The following MRM2 variants were observed in gnomAD, a reference collection of about 807,000 sequenced individuals.
MRM2 encodes mitochondrial rRNA methyltransferase 2.
MRM2 carries 15 observed loss-of-function variants against 10.9 expected under a neutral mutation model. That is an observed-to-expected ratio of 1.37 (90% confidence interval 0.92 to 2.11). The LOEUF is 2.11. MRM2 is among the 30% of genes most tolerant of loss of function. The pLI is 0.00. For missense variants in MRM2, 328 were observed against 321.3 expected (o/e 1.02, Z -0.16); for synonymous variants, 139 against 128.7 (o/e 1.08, Z -0.54).
chr7:2,235,089 T>A lies in MRM2; in HGVS notation c.*33A>T. 1 of 1,527,170 alleles carries A rather than the reference T, an allele frequency of 6.5e-7. No individual in the cohort carries two copies. The highest frequency in any genetic ancestry group is 1.1e-5 in the South Asian group (1 of 87,434). 94.6% of individuals were successfully genotyped at this position (1,527,170 alleles called of 1,614,324 possible). On this transcript the variant is annotated 3_prime_UTR_variant, in exon 3 of 3. Coordinates refer to ENST00000242257, the MANE Select transcript of MRM2 (RefSeq NM_013393.3). The stretch of plus-strand genomic sequence containing the variant: ...GCTACGTTTCTAGCTTAAAAGGAGC[T>A]AATGACCATTATGAAAATGGCACAA...
chr7:2,239,007 ATATATATATATATATATATAT>A (rs1360431870), intron 2 of MRM2: 5,985 of 78,564 alleles, frequency 0.076, 708 homozygotes, highest in East Asian at 0.23. Context: ...ATATATATAT[ATATATATATATATATATATAT>A]AATACATATA....
chr7:2,236,223 C>T (rs1057497778), intron 2 of MRM2, among the ~76,000 whole-genome samples: 3 of 152,012 alleles, frequency 2.0e-5, no homozygotes, highest in African/African-American at 7.3e-5. Context: ...GAGCGAGACT[C>T]GATCTCAAAA....
At position 2,239,403 on chromosome 7, in the gene MRM2, A is replaced by C. The variant is rs1330556801; in HGVS notation, c.298+15T>G. Reference sequence around the variant, plus strand: ...AGGGGAGCCAGAAGGTGCCAACAGCAGTGCAGAGGCCCACCTGTGCCTGCG... The same window carrying C: ...AGGGGAGCCAGAAGGTGCCAACAGCCGTGCAGAGGCCCACCTGTGCCTGCG... On this transcript the variant is annotated intron_variant, in intron 2 of 2. Transcript: ENST00000242257. The C allele has an allele frequency of 6.3e-7, 1 of 1,592,424 alleles. No homozygotes were observed. Among genetic ancestry groups the C allele is most frequent in the Non-Finnish European group, 8.6e-7 (1 of 1,169,004 alleles).
intron 2 of MRM2, among the ~76,000 whole-genome samples, chr7:2,237,284 C>T (rs1425464088): frequency 6.6e-6 from 1 of 152,214 alleles, no homozygotes; most frequent in Non-Finnish European, 1.5e-5. Flanking sequence ...AGGTGTGAGC[C>T]ACTGCGCCCG....
chr7:2,241,566 T>C (rs1794540160), intron 1 of MRM2, among the ~76,000 whole-genome samples: 1 of 152,040 alleles, frequency 6.6e-6, no homozygotes, highest in Non-Finnish European at 1.5e-5. Flanking sequence ...ACTTCCAAAG[T>C]GCTGGGATGA....
At chr7:2,238,115 T>A (rs976618429) in intron 2 of MRM2, 1 of 152,108 alleles carries the variant, frequency 6.6e-6, no homozygotes. Flanking sequence ...TTCTCACCAA[T>A]AAATGGGGAC....
At chr7:2,239,767 T>C in intron 1 of MRM2, 60 bp from the exon 2 acceptor site, 1 of 1,487,524 alleles carries the variant, frequency 6.7e-7, no homozygotes. Flanking sequence ...GGTCATGAGC[T>C]GGGAGGGCCC....
chr7:2,235,059 CTCAGGCTACGTT>C lies in MRM2; in HGVS notation c.*51_*62del, dbSNP rs1794392891. On this transcript the variant is annotated 3_prime_UTR_variant, in exon 3 of 3. Coordinates refer to ENST00000242257, the MANE Select transcript of MRM2 (RefSeq NM_013393.3). ...AAATCTCCCAGGAACTCTTCAGGAG[CTCAGGCTACGTT>C]TCTAGCTTAAAAGGAGCTAATGACC... The C allele has an allele frequency of 3.1e-6, 4 of 1,297,070 alleles. No individual in the cohort carries two copies. The South Asian group carries it at 5.3e-5, about 17-fold the overall frequency. The allele number at this position is 1,297,070 out of a possible 1,614,324, so 80.3% of individuals were successfully genotyped here. A position where few individuals can be genotyped will look rare whatever the true frequency, so the allele number is the denominator to read the frequency against.
chr7:2,238,988 T>C (rs1437653150), intron 2 of MRM2: 1 of 16,168 alleles, frequency 6.2e-5, no homozygotes, highest in Non-Finnish European at 8.9e-5. Flanking sequence ...TATATATATA[T>C]ATATATATAT....
intron 1 of MRM2, chr7:2,240,420 A>T (rs1475185928): frequency 6.3e-6 from 2 of 318,468 alleles, no homozygotes; most frequent in African/African-American, 2.2e-5. Flanking sequence ...CTTTTTTTCG[A>T]GACAGGGTCT....
Position 2,234,969 on chromosome 7 carries a change from A to AAGAGAG in MRM2, c.*147_*152dup. ...GTTTTGTCATCTCTTTTTGGTTAAAAAGAGAGAGAGAGAAAGAGAGAGAGA... is the reference window on the plus strand; with the variant it reads ...GTTTTGTCATCTCTTTTTGGTTAAAAAGAGAGAGAGAGAGAGAGAAAGAGAGAGAGA... On this transcript the variant is annotated 3_prime_UTR_variant, in exon 3 of 3. Transcript: ENST00000242257. The AAGAGAG allele has an allele frequency of 1.6e-6, 1 of 627,282 alleles. No homozygotes were observed. The highest frequency in any genetic ancestry group is 2.0e-5 in the South Asian group (1 of 49,446). 38.9% of individuals were successfully genotyped at this position (627,282 alleles called of 1,614,324 possible).
rs1243315318 is a variant in MRM2, at chr7:2,234,513, GC to G, written c.*608del. The G allele has an allele frequency of 6.6e-6, 1 of 152,412 alleles. No homozygotes were observed. Among genetic ancestry groups the G allele is most frequent in the Non-Finnish European group, 1.5e-5 (1 of 68,254 alleles). 9.4% of individuals were successfully genotyped at this position (152,412 alleles called of 1,614,324 possible). A position where few individuals can be genotyped will look rare whatever the true frequency, so the allele number is the denominator to read the frequency against. Reference sequence around the variant, plus strand: ...AAATTTCAGATTTTTCTTTTGGTTTGCTTTTTGGTTTTTCATTTTTGTAGAC... The same window carrying G: ...AAATTTCAGATTTTTCTTTTGGTTTGTTTTTGGTTTTTCATTTTTGTAGAC... On this transcript the variant is annotated 3_prime_UTR_variant, in exon 3 of 3. Coordinates refer to ENST00000242257, the MANE Select transcript of MRM2 (RefSeq NM_013393.3).
chr7:2,235,344 C>A lies in MRM2; in HGVS notation c.519G>T (p.Leu173=). 1.2e-6 allele frequency: 2 copies of A among 1,614,096 alleles called. No individual in the cohort carries two copies. The highest frequency in any genetic ancestry group is 8.5e-7 in the Non-Finnish European group (1 of 1,180,010). Residue 173 remains leucine, a synonymous_variant, in exon 3 of 3, where the codon CTG becomes CTT. Coordinates refer to ENST00000242257, the MANE Select transcript of MRM2 (RefSeq NM_013393.3). The stretch of plus-strand genomic sequence containing the variant: ...GGGTCACGCTGAGAAGGGTCAGGCA[C>A]AGGCTGATGAGCCTGTCATGATCGA... The part of the protein sequence containing the change: ...RDLDHDRLIS[L]CLTLLSVTPD...
Position 2,235,510 on chromosome 7 carries a change from G to T in MRM2, c.353C>A (p.Pro118His). The change falls in exon 3 of 3, where the codon CCC becomes CAC. Residue 118 changes from proline (P) to histidine (H), a missense_variant. Coordinates refer to ENST00000242257, the MANE Select transcript of MRM2 (RefSeq NM_013393.3). ...GCACAGAAAAGTTGCTCCTTCCAGG[G>T]GGAATATGTGAAGAAGATCTACCCC... is the stretch of plus-strand genomic sequence containing the variant. ...VLGVDLLHIF[P>H]LEGATFLCPA... 6.2e-7 allele frequency: 1 copy of T among 1,613,506 alleles called. No homozygotes were observed. The highest frequency in any genetic ancestry group is 8.5e-7 in the Non-Finnish European group (1 of 1,179,878).
chr7:2,236,284 G>A (rs996288109), intron 2 of MRM2, among the ~76,000 whole-genome samples: 2 of 152,140 alleles, frequency 1.3e-5, no homozygotes, highest in African/African-American at 4.8e-5. Flanking sequence ...AAGTGCCTCT[G>A]GATTAAATCA....
chr7:2,240,894 C>G (rs926571987), intron 1 of MRM2, among the ~76,000 whole-genome samples: 1 of 152,200 alleles, frequency 6.6e-6, no homozygotes, highest in Non-Finnish European at 1.5e-5. Context: ...ATGGGTTCCA[C>G]CATGTTGGCC....
chr7:2,237,359 C>T (rs968084520), intron 2 of MRM2, among the ~76,000 whole-genome samples: 4 of 152,318 alleles, frequency 2.6e-5, no homozygotes, highest in South Asian at 4.1e-4. Flanking sequence ...TTACAACCTT[C>T]GGAAATTTCC....
intron 1 of MRM2, chr7:2,241,855 A>C (rs775161538): frequency 2.0e-5 from 8 of 391,756 alleles, no homozygotes; most frequent in Non-Finnish European, 3.2e-5. Context: ...CCAGAAGCGA[A>C]ATCCCGCCCC....
intron 1 of MRM2, among the ~76,000 whole-genome samples, chr7:2,240,887 G>T (rs752344613): frequency 2.3e-4 from 35 of 152,244 alleles, no homozygotes; most frequent in Non-Finnish European, 4.9e-4. Flanking sequence ...AGTATAGATG[G>T]GTTCCACCAT....
Sources: allele counts gnomAD v4.1 joint callset (sites outside exome capture counted in the v4.1 genomes callset), GRCh38; gene constraint gnomAD v4.1.1; transcripts MANE v1.5; gene names NCBI Gene and HGNC (gene_info 2026-07-23, HGNC 2026-07-21).